The following ADARB2 variants were observed in gnomAD, a reference collection of about 807,000 sequenced individuals.
ADARB2 encodes the protein adenosine deaminase RNA specific B2 (inactive), also known as inactive double-stranded RNA-specific editase B2.
A neutral mutation model predicts 62.2 loss-of-function variants in ADARB2; 25 were observed. The observed-to-expected ratio is 0.40, with a 90% confidence interval of 0.29 to 0.56. The LOEUF (loss-of-function observed/expected upper bound fraction) is 0.56, where lower values mean the gene tolerates loss of function less well. ADARB2 is among the 20% of genes least tolerant of loss of function. The pLI is 0.43. For synonymous variants in ADARB2, 572 were observed against 500.8 expected (o/e 1.14, Z -1.90); for missense variants, 1,071 against 1,077.4 (o/e 0.99, Z 0.08).
At chr10:1,355,199 T>C in intron 3 of ADARB2, among the ~76,000 whole-genome samples, 1 of 27,656 alleles carries the variant, frequency 3.6e-5, no homozygotes, top group East Asian at 2.5e-3. Flanking sequence ...TTGGAACTAA[T>C]AACAAACACT....
At chr10:1,707,065 T>C (rs887568066) in intron 1 of ADARB2, among the ~76,000 whole-genome samples, 1 of 152,272 alleles carries the variant, frequency 6.6e-6, no homozygotes, top group Non-Finnish European at 1.5e-5. Context: ...AGGATTTTTA[T>C]TTCATCAAAT....
At chr10:1,592,800 T>C (rs1416832472) in intron 1 of ADARB2, among the ~76,000 whole-genome samples, 1 of 21,664 alleles carries the variant, frequency 4.6e-5, no homozygotes, top group African/African-American at 2.5e-4. Flanking sequence ...TTCTCTGGCA[T>C]GGTCCCCTCT....
In ADARB2 at chr10:1,200,105, G is replaced by C; in HGVS notation, c.1725C>G (p.Phe575Leu). ...TGCTCTGCAGGTACACGGGCTCCACGAAGTGGGACAGGAGCGCGCCCTGCA... is the reference window on the plus strand; with the variant it reads ...TGCTCTGCAGGTACACGGGCTCCACCAAGTGGGACAGGAGCGCGCCCTGCA... ...LGLQGALLSH[F>L]VEPVYLQSIV... The change falls in exon 8 of 10, where the codon TTC becomes TTG. Residue 575 changes from phenylalanine to leucine, a missense_variant. By Grantham distance (22) the Phe-to-Leu change is conservative (BLOSUM62 0). Transcript: ENST00000381312. 6.4e-7 allele frequency: 1 copy of C among 1,560,858 alleles called. No individual in the cohort carries two copies.
chr10:1,462,627 A>G (rs968288930), intron 1 of ADARB2, among the ~76,000 whole-genome samples: 3 of 142,710 alleles, frequency 2.1e-5, no homozygotes, highest in African/African-American at 8.2e-5. Flanking sequence ...GTGTGTATGT[A>G]CATGAGTGTA....
At chr10:1,518,621 A>T (rs1448886958) in intron 1 of ADARB2, among the ~76,000 whole-genome samples, 1 of 151,614 alleles carries the variant, frequency 6.6e-6, no homozygotes, top group Non-Finnish European at 1.5e-5. Flanking sequence ...ATTGTCATAC[A>T]CATGCATTCC....
At chr10:1,576,093 C>CCCAGGGT (rs1833013754) in intron 1 of ADARB2, among the ~76,000 whole-genome samples, 1 of 23,506 alleles carries the variant, frequency 4.3e-5, no homozygotes, top group African/African-American at 2.1e-4. Context: ...GGGCTCAGGG[C>CCCAGGGT]CACGGGAGGG....
chr10:1,276,281 G>T (rs547614698), intron 3 of ADARB2, among the ~76,000 whole-genome samples: 34 of 152,286 alleles, frequency 2.2e-4, no homozygotes, highest in Admixed American at 6.5e-4. Context: ...TTTTTCATGT[G>T]TCTTTTGGCT....
At chr10:1,213,066 A>G (rs974214204) in intron 7 of ADARB2, among the ~76,000 whole-genome samples, 4 of 152,206 alleles carry the variant, frequency 2.6e-5, no homozygotes, top group Non-Finnish European at 5.9e-5. Context: ...GAGCTCATCA[A>G]TGAGGGAGGG....
chr10:1,735,126 C>T (rs781139765), intron 1 of ADARB2, among the ~76,000 whole-genome samples: 22 of 152,166 alleles, frequency 1.4e-4, no homozygotes, highest in Non-Finnish European at 2.8e-4. Context: ...TTCTCCCGCA[C>T]GCCAGAAATC....
chr10:1,395,385 C>T (rs79475752), intron 1 of ADARB2, among the ~76,000 whole-genome samples: 2 of 152,182 alleles, frequency 1.3e-5, no homozygotes, highest in Non-Finnish European at 2.9e-5. Flanking sequence ...GGGAGGAGCT[C>T]GCTGAAGGCC....
At chr10:1,442,875 G>C (rs1830922331) in intron 1 of ADARB2, among the ~76,000 whole-genome samples, 1 of 152,070 alleles carries the variant, frequency 6.6e-6, no homozygotes, top group Non-Finnish European at 1.5e-5. Flanking sequence ...GAATGGACAA[G>C]AGGAAAAACA....
chr10:1,415,810 T>C (rs1406476337), intron 1 of ADARB2, among the ~76,000 whole-genome samples: 1 of 152,232 alleles, frequency 6.6e-6, no homozygotes. Flanking sequence ...TGAAAAATTA[T>C]CACTTTCTCA....
intron 1 of ADARB2, among the ~76,000 whole-genome samples, chr10:1,548,790 G>A (rs11250610): frequency 0.34 from 51,977 of 152,090 alleles, 9,322 homozygotes; most frequent in Non-Finnish European, 0.4. Context: ...TTGGCTAATG[G>A]TGTCACGTGA....
rs534088971 is a variant in ADARB2, at chr10:1,610,895, T to A, written c.100+126156A>T. 1.1e-4 allele frequency among the ~76,000 whole-genome samples: 16 copies of A among 151,986 alleles called. No homozygotes were observed. In the East Asian group the frequency reaches 2.9e-3, roughly 28 times the overall value. On this transcript the variant is annotated intron_variant, in intron 1 of 9. Coordinates refer to ENST00000381312, the MANE Select transcript of ADARB2 (RefSeq NM_018702.4). ...ATACAAACACACATAGACATGTAAA[T>A]GCACACACACAGACTCACACACACA...
At chr10:1,225,059 T>C (rs1322984210) in intron 6 of ADARB2, among the ~76,000 whole-genome samples, 4 of 151,958 alleles carry the variant, frequency 2.6e-5, no homozygotes, top group Admixed American at 2.6e-4. Context: ...CTAAGTGTCT[T>C]TGTAGGTCTC....
intron 6 of ADARB2, among the ~76,000 whole-genome samples, chr10:1,228,089 C>T (rs1293596487): frequency 1.3e-5 from 2 of 152,174 alleles, no homozygotes; most frequent in African/African-American, 4.8e-5. Context: ...CCCTGACTTC[C>T]TATGGGATTT....
chr10:1,600,305 G>T (rs567834322), intron 1 of ADARB2, among the ~76,000 whole-genome samples: 1 of 152,200 alleles, frequency 6.6e-6, no homozygotes, highest in East Asian at 1.9e-4. Flanking sequence ...CCCAGAAACT[G>T]CTGGCCTTCA....
intron 1 of ADARB2, among the ~76,000 whole-genome samples, chr10:1,639,863 C>A (rs1329561783): frequency 7.9e-6 from 1 of 126,434 alleles, no homozygotes; most frequent in Admixed American, 8.9e-5. Flanking sequence ...CAAAACAAAG[C>A]AAAACAAAAC....
chr10:1,590,456 T>C (rs1833236788), intron 1 of ADARB2, among the ~76,000 whole-genome samples: 1 of 152,162 alleles, frequency 6.6e-6, no homozygotes, highest in Non-Finnish European at 1.5e-5. Flanking sequence ...CATGGTTAAA[T>C]AAAAAGTGGA....
Sources: allele counts gnomAD v4.1 joint callset (sites outside exome capture counted in the v4.1 genomes callset), GRCh38; gene constraint gnomAD v4.1.1; transcripts MANE v1.5; gene names NCBI Gene and HGNC (gene_info 2026-07-23, HGNC 2026-07-21).